PDE1C: variants seen among roughly 807,000 people sequenced by gnomAD.
PDE1C encodes dual specificity calcium/calmodulin-dependent 3',5'-cyclic nucleotide phosphodiesterase 1C.
Under a neutral mutation model 93.1 loss-of-function variants are expected in PDE1C, and 62 were observed. The observed-to-expected ratio is 0.67, with a 90% confidence interval of 0.54 to 0.82. The LOEUF is 0.82. Among genes scored for constraint, PDE1C ranks in the 40% least tolerant of loss-of-function variants. The pLI is 0.00. For synonymous variants in PDE1C, 325 were observed against 310.1 expected (o/e 1.05, Z -0.50); for missense variants, 742 against 884.6 (o/e 0.84, Z 2.04).
At chr7:32,394,018 T>A (rs1480853820) in intron 1 of PDE1C, among the ~76,000 whole-genome samples, 1 of 152,208 alleles carries the variant, frequency 6.6e-6, no homozygotes, top group East Asian at 1.9e-4. Flanking sequence ...AAATACAGGT[T>A]ACTAGTGACT....
chr7:32,420,579 A>G (rs1174165917), intron 1 of PDE1C, among the ~76,000 whole-genome samples: 1 of 150,704 alleles, frequency 6.6e-6, no homozygotes, highest in Non-Finnish European at 1.5e-5. Context: ...GGTGGTAATA[A>G]TAGTGCTTGT....
chr7:31,687,560 T>A, the PDE1C span, among the ~76,000 whole-genome samples: 207 of 152,322 alleles, frequency 1.4e-3, no homozygotes, highest in Non-Finnish European at 2.2e-3. Flanking sequence ...AGTTGGTGTA[T>A]CTGCATATTC....
intron 2 of PDE1C, among the ~76,000 whole-genome samples, chr7:31,939,180 G>C (rs2128995509): frequency 6.6e-6 from 1 of 152,248 alleles, no homozygotes; most frequent in Non-Finnish European, 1.5e-5. Flanking sequence ...AAAAATTCAT[G>C]TAGAAGAATC....
At chr7:32,364,670 AC>A (rs1337951286) in intron 1 of PDE1C, among the ~76,000 whole-genome samples, 2 of 152,134 alleles carry the variant, frequency 1.3e-5, no homozygotes, top group Non-Finnish European at 2.9e-5. Context: ...TGCACTCCCC[AC>A]CCACTACTTA....
the PDE1C span, among the ~76,000 whole-genome samples, chr7:31,648,161 G>A: frequency 6.6e-6 from 1 of 152,212 alleles, no homozygotes; most frequent in Non-Finnish European, 1.5e-5. Context: ...AAAAGTAAAA[G>A]TACACAAATA....
intron 2 of PDE1C, among the ~76,000 whole-genome samples, chr7:31,981,173 T>G (rs961855897): frequency 6.6e-6 from 1 of 152,194 alleles, no homozygotes; most frequent in African/African-American, 2.4e-5. Context: ...ACTACCTTGT[T>G]AACTCAATCT....
chr7:32,316,408 A>G (rs1172789181), intron 1 of PDE1C, among the ~76,000 whole-genome samples: 1 of 152,212 alleles, frequency 6.6e-6, no homozygotes, highest in Non-Finnish European at 1.5e-5. Flanking sequence ...TCATTCTTCC[A>G]TATCATACCA....
In PDE1C at chr7:32,051,550, T is replaced by C. The variant is rs373005745; in HGVS notation, c.128+4A>G. 9.9e-6 allele frequency: 16 copies of C among 1,613,636 alleles called. No homozygotes were observed. Among genetic ancestry groups the C allele is most frequent in the African/African-American group, 2.7e-5 (2 of 74,908 alleles). The stretch of plus-strand genomic sequence containing the variant: ...CCAGTTGCAGCTCAGAAAGACGTTC[T>C]TACCTCTGGGACGTTTTCTTATATT... On this transcript the variant is annotated splice_donor_region_variant and intron_variant, in intron 2 of 17. Coordinates refer to ENST00000396191, the MANE Select transcript of PDE1C (RefSeq NM_001191057.4).
intron 1 of PDE1C, among the ~76,000 whole-genome samples, chr7:32,387,453 G>A (rs1384016172): frequency 6.6e-6 from 1 of 151,644 alleles, no homozygotes; most frequent in Non-Finnish European, 1.5e-5. Flanking sequence ...AGGGGCGGCC[G>A]GGCAGAAGCG....
chr7:32,019,916 G>A (rs916631947), intron 2 of PDE1C, among the ~76,000 whole-genome samples: 11 of 152,042 alleles, frequency 7.2e-5, no homozygotes. Context: ...TCTAAGGGTG[G>A]ATATATAGGT....
At chr7:32,047,646 C>G (rs1383505628) in intron 2 of PDE1C, among the ~76,000 whole-genome samples, 1 of 151,880 alleles carries the variant, frequency 6.6e-6, no homozygotes, top group Non-Finnish European at 1.5e-5. Flanking sequence ...TGGTGAAATA[C>G]TTAAAGAAAG....
chr7:31,929,322 C>G (rs1424403412), intron 2 of PDE1C, among the ~76,000 whole-genome samples: 1 of 152,132 alleles, frequency 6.6e-6, no homozygotes, highest in Non-Finnish European at 1.5e-5. Context: ...GACTTAGACT[C>G]CCACACAATA....
intron 2 of PDE1C, among the ~76,000 whole-genome samples, chr7:32,187,572 A>G (rs1039113315): frequency 2.6e-5 from 4 of 152,208 alleles, no homozygotes; most frequent in African/African-American, 9.6e-5. Context: ...ATGTCCAATA[A>G]ATATTTGGAC....
intron 7 of PDE1C, among the ~76,000 whole-genome samples, chr7:31,860,911 CT>C (rs1031144362): frequency 2.6e-5 from 4 of 152,020 alleles, no homozygotes; most frequent in African/African-American, 9.7e-5. Flanking sequence ...AAAGCATTCT[CT>C]TTTTTCTAAA....
At chr7:31,639,310 G>A in the PDE1C span, among the ~76,000 whole-genome samples, 1 of 151,880 alleles carries the variant, frequency 6.6e-6, no homozygotes, top group Non-Finnish European at 1.5e-5. Context: ...TGTTTCATTT[G>A]GGATAGCTTC....
the PDE1C span, chr7:31,643,195 T>G: frequency 2.5e-6 from 4 of 1,613,720 alleles, no homozygotes; most frequent in East Asian, 8.9e-5. Context: ...TCAAGACAAG[T>G]TCCTTCATGT....
chr7:31,662,832 T>A, the PDE1C span, among the ~76,000 whole-genome samples: 331 of 152,314 alleles, frequency 2.2e-3, no homozygotes, highest in Non-Finnish European at 3.4e-3. Context: ...GATTTCCAAA[T>A]TCCTCTAGGT....
chr7:32,286,650 T>C (rs916181724), intron 1 of PDE1C, among the ~76,000 whole-genome samples: 1 of 152,204 alleles, frequency 6.6e-6, no homozygotes, highest in African/African-American at 2.4e-5. Context: ...GCCTAGGCAC[T>C]AAGTTAGAGA....
At chr7:31,940,431 T>TTTCTCTG (rs1805662013) in intron 2 of PDE1C, among the ~76,000 whole-genome samples, 1 of 152,180 alleles carries the variant, frequency 6.6e-6, no homozygotes, top group Non-Finnish European at 1.5e-5. Context: ...AAGGTAGAGT[T>TTTCTCTG]CATGATTCAT....
Sources: allele counts gnomAD v4.1 joint callset (sites outside exome capture counted in the v4.1 genomes callset), GRCh38; gene constraint gnomAD v4.1.1; transcripts MANE v1.5; gene names NCBI Gene and HGNC (gene_info 2026-07-23, HGNC 2026-07-21).